The following OSER1 variants were observed in gnomAD, a reference collection of about 807,000 sequenced individuals.
The protein encoded by OSER1 is oxidative stress responsive serine rich 1, also known as oxidative stress-responsive serine-rich protein 1.
In OSER1, 15 loss-of-function variants were observed where a neutral mutation model predicts 26.3. The observed-to-expected ratio is 0.57, with a 90% confidence interval of 0.38 to 0.88. The LOEUF is 0.88. OSER1 is among the 40% of genes least tolerant of loss of function. OSER1 has a pLI of 0.00. For synonymous variants in OSER1, 127 were observed against 128.2 expected (o/e 0.99, Z 0.07); for missense variants, 313 against 353.9 (o/e 0.88, Z 0.93).
chr20:44,203,792 C>T (rs189284563), intron 2 of OSER1, among the ~76,000 whole-genome samples: 1 of 151,304 alleles, frequency 6.6e-6, no homozygotes, highest in Non-Finnish European at 1.5e-5. Context: ...CATTAATCTA[C>T]TAAAATGAAA....
intron 3 of OSER1, among the ~76,000 whole-genome samples, chr20:44,199,428 G>C (rs945638488): frequency 2.0e-4 from 31 of 152,128 alleles, no homozygotes; most frequent in African/African-American, 7.5e-4. Flanking sequence ...CTAGATGCTG[G>C]TGCCATGCTC....
intron 2 of OSER1, among the ~76,000 whole-genome samples, chr20:44,203,580 G>C (rs1282991285): frequency 1.3e-5 from 2 of 151,958 alleles, no homozygotes; most frequent in Non-Finnish European, 2.9e-5. Flanking sequence ...GATAATATGG[G>C]TTCCCAGTAA....
At chr20:44,209,569 C>T (rs74354400) in intron 1 of OSER1, among the ~76,000 whole-genome samples, 1 of 152,096 alleles carries the variant, frequency 6.6e-6, no homozygotes, top group Non-Finnish European at 1.5e-5. Flanking sequence ...TGAAGTTGAA[C>T]AATCTCCAAA....
intron 1 of OSER1, chr20:44,207,261 A>C (rs1344011595): frequency 4.5e-6 from 1 of 222,176 alleles, no homozygotes; most frequent in Non-Finnish European, 8.9e-6. Context: ...AGATGATCTA[A>C]AATCTATGTT....
At chr20:44,207,071 GA>G (rs200554027) in intron 1 of OSER1, 73 bp from the exon 2 acceptor site, 110 of 632,192 alleles carry the variant, frequency 1.7e-4, no homozygotes, top group East Asian at 8.9e-4. Context: ...ATTACTGTTA[GA>G]AAAAAAAAGC....
chr20:44,200,016 C>T (rs1432381348), intron 3 of OSER1, among the ~76,000 whole-genome samples: 1 of 152,256 alleles, frequency 6.6e-6, no homozygotes, highest in Non-Finnish European at 1.5e-5. Context: ...GTGGACACTG[C>T]TCCAGTGGGC....
At position 44,197,096 on chromosome 20, in the gene OSER1, T is replaced by C. The variant is rs1296385563; in HGVS notation, c.835A>G (p.Ile279Val). Residue 279 changes from isoleucine to valine, a missense_variant, in exon 4 of 4, where the codon ATT (isoleucine) becomes GTT (valine). By Grantham distance (29) the Ile-to-Val change is conservative (BLOSUM62 3). Coordinates refer to ENST00000255174, the MANE Select transcript of OSER1 (RefSeq NM_016470.8). ...GCCATGTGGGACATTTTCTTGGGAA[T>C]ATACAAGTAATACTCCATGTAGCCT... ...LSGYMEYYLY[I>V]PKKMSHMAEM... 1 of 1,613,468 alleles carries C rather than the reference T, an allele frequency of 6.2e-7. No homozygotes were observed.
upstream of OSER1, among the ~76,000 whole-genome samples, chr20:44,211,801 C>T (rs914300914): frequency 6.6e-6 from 1 of 152,230 alleles, no homozygotes; most frequent in Non-Finnish European, 1.5e-5. Context: ...TCCAGCTCCA[C>T]GTCTGCACTG....
intron 1 of OSER1, 34 bp from the exon 2 acceptor site, chr20:44,207,032 C>G: frequency 9.5e-7 from 1 of 1,049,672 alleles, no homozygotes; most frequent in South Asian, 1.4e-5. Flanking sequence ...AAAGTAAAAA[C>G]AGGTGGGATC....
intron 3 of OSER1, among the ~76,000 whole-genome samples, chr20:44,198,491 C>T (rs762745567): frequency 2.6e-5 from 4 of 151,970 alleles, no homozygotes; most frequent in African/African-American, 4.8e-5. Flanking sequence ...TGGTGGTGGG[C>T]GCCTGTAGTC....
At chr20:44,209,492 C>T (rs1377492444) in intron 1 of OSER1, among the ~76,000 whole-genome samples, 1 of 152,180 alleles carries the variant, frequency 6.6e-6, no homozygotes, top group African/African-American at 2.4e-5. Flanking sequence ...ATATAATTGG[C>T]TTGCCTTTCT....
rs1227555858 is a variant in OSER1, at chr20:44,197,571, C to G, written c.360G>C (p.Gly120=). The G allele has an allele frequency of 6.2e-7, 1 of 1,614,064 alleles. No homozygotes were observed. Among genetic ancestry groups the G allele is most frequent in the Non-Finnish European group, 8.5e-7 (1 of 1,180,026 alleles). Residue 120 remains glycine (G), a synonymous_variant, in exon 4 of 4, where the codon GGG becomes GGC. Coordinates refer to ENST00000255174, the MANE Select transcript of OSER1 (RefSeq NM_016470.8). Reference sequence around the variant, plus strand: ...ACTCTTTAGGGGATGAAATTCCCAGCCCACTGCTGCCATCAGGTGAGTCAG... The same window carrying G: ...ACTCTTTAGGGGATGAAATTCCCAGGCCACTGCTGCCATCAGGTGAGTCAG... The part of the protein sequence containing the change: ...SQTDSPDGSS[G]LGISSPKEFS...
At chr20:44,203,335 G>A (rs536031581) in intron 2 of OSER1, among the ~76,000 whole-genome samples, 1 of 152,244 alleles carries the variant, frequency 6.6e-6, no homozygotes, top group African/African-American at 2.4e-5. Flanking sequence ...CTTTCAGGCT[G>A]TTTCCCTGGG....
intron 2 of OSER1, among the ~76,000 whole-genome samples, chr20:44,203,799 G>C (rs1418495702): frequency 6.6e-6 from 1 of 151,502 alleles, no homozygotes; most frequent in Non-Finnish European, 1.5e-5. Flanking sequence ...CTACTAAAAT[G>C]AAAGGATGTT....
chr20:44,204,496 G>A (rs1247533979), intron 2 of OSER1, among the ~76,000 whole-genome samples: 2 of 151,488 alleles, frequency 1.3e-5, no homozygotes, highest in Non-Finnish European at 2.9e-5. Context: ...TTTACTCAAG[G>A]CAGAATACAT....
At chr20:44,207,155 CAAAT>C in intron 1 of OSER1, 157 bp from the exon 2 acceptor site, 1 of 484,528 alleles carries the variant, frequency 2.1e-6, no homozygotes, top group Non-Finnish European at 3.7e-6. Flanking sequence ...TAAAGGGAAA[CAAAT>C]GAAATGATAC....
chr20:44,206,996 A>G lies in OSER1; in HGVS notation c.-39T>C. Reference sequence around the variant, plus strand: ...ACACTACTTATCGATGTTCCTGTTTACACTAAAAAAGAAAATAAAGTGAGC... The same window carrying G: ...ACACTACTTATCGATGTTCCTGTTTGCACTAAAAAAGAAAATAAAGTGAGC... On this transcript the variant is annotated splice_region_variant and 5_prime_UTR_variant, in exon 2 of 4. Transcript: ENST00000255174. The G allele has an allele frequency of 6.7e-7, 1 of 1,491,606 alleles. No homozygotes were observed. The highest frequency in any genetic ancestry group is 9.3e-7 in the Non-Finnish European group (1 of 1,073,510). 92.4% of individuals were successfully genotyped at this position (1,491,606 alleles called of 1,614,324 possible).
At chr20:44,202,311 G>A (rs564806888) in intron 3 of OSER1, among the ~76,000 whole-genome samples, 270 of 152,110 alleles carry the variant, frequency 1.8e-3, no homozygotes, top group South Asian at 8.3e-3. Context: ...GGAGGCGGAG[G>A]GTGCAGTGAG....
chr20:44,199,870 G>A (rs2072963011), intron 3 of OSER1, among the ~76,000 whole-genome samples: 1 of 152,214 alleles, frequency 6.6e-6, no homozygotes, highest in Admixed American at 6.5e-5. Flanking sequence ...TATCCCCTAT[G>A]GATAAGAGGG....
Sources: allele counts gnomAD v4.1 joint callset (sites outside exome capture counted in the v4.1 genomes callset), GRCh38; gene constraint gnomAD v4.1.1; transcripts MANE v1.5; gene names NCBI Gene and HGNC (gene_info 2026-07-23, HGNC 2026-07-21).